LRRC27: variants seen among roughly 807,000 people sequenced by gnomAD.
LRRC27 encodes the protein leucine rich repeat containing 27, also known as leucine-rich repeat-containing protein 27.
LRRC27 carries 57 observed loss-of-function variants against 55.0 expected under a neutral mutation model. That is an observed-to-expected ratio of 1.04 (90% confidence interval 0.84 to 1.29). The LOEUF is 1.29. LRRC27 is among the 50% of genes most tolerant of loss of function. LRRC27 has a pLI of 0.00. For missense variants in LRRC27, 721 were observed against 651.5 expected (o/e 1.11, Z -1.16); for synonymous variants, 278 against 251.9 (o/e 1.10, Z -0.98).
At chr10:132,335,614 T>C (rs1250466999) in intron 2 of LRRC27, among the ~76,000 whole-genome samples, 2 of 151,670 alleles carry the variant, frequency 1.3e-5, no homozygotes, top group African/African-American at 4.9e-5. Context: ...GTCTATTGGT[T>C]GTTGGGTAGG....
intron 9 of LRRC27, among the ~76,000 whole-genome samples, chr10:132,364,916 C>T (rs980410534): frequency 1.2e-5 from 1 of 86,668 alleles, no homozygotes; most frequent in Non-Finnish European, 2.9e-5. Flanking sequence ...AGATCCCCAG[C>T]TCTTTCTACC....
rs760566423 is a variant in LRRC27, at chr10:132,342,185, A to C, written c.342-28A>C. 20 of 1,434,540 alleles carry C rather than the reference A, an allele frequency of 1.4e-5. No individual in the cohort carries two copies. In the Middle Eastern group the frequency reaches 1.1e-3, roughly 78 times the overall value. The allele number at this position is 1,434,540 out of a possible 1,614,324, so 88.9% of individuals were successfully genotyped here. A position where few individuals can be genotyped will look rare whatever the true frequency, so the allele number is the denominator to read the frequency against. On this transcript the variant is annotated intron_variant, in intron 3 of 10. Transcript: ENST00000368614. ...ATAGTCAATTAAATCTTGCTTTTTAAATTTTTTTGTTTTGTTTTGCTTTAA... is the reference window on the plus strand; with the variant it reads ...ATAGTCAATTAAATCTTGCTTTTTACATTTTTTTGTTTTGTTTTGCTTTAA...
At chr10:132,370,674 G>A (rs1328906307) in intron 10 of LRRC27, among the ~76,000 whole-genome samples, 3 of 152,314 alleles carry the variant, frequency 2.0e-5, no homozygotes, top group Admixed American at 6.5e-5. Flanking sequence ...GCTCCGTGCC[G>A]CCTGATGGCC....
chr10:132,371,288 TAGG>T (rs140808389), intron 10 of LRRC27, among the ~76,000 whole-genome samples: 2,618 of 151,998 alleles, frequency 0.017, 70 homozygotes, highest in African/African-American at 0.06. Context: ...ATGGGGGAAG[TAGG>T]AGGGACTGGA....
chr10:132,361,900 C>T (rs1280497679), intron 9 of LRRC27, among the ~76,000 whole-genome samples: 1 of 152,142 alleles, frequency 6.6e-6, no homozygotes, highest in East Asian at 1.9e-4. Flanking sequence ...CCACCCGCTG[C>T]AGTCCCTGCC....
intron 6 of LRRC27, among the ~76,000 whole-genome samples, chr10:132,350,019 T>G (rs1057148130): frequency 6.6e-6 from 1 of 152,164 alleles, no homozygotes; most frequent in African/African-American, 2.4e-5. Context: ...TGGTGGCCCT[T>G]CCTGAGGGTC....
chr10:132,343,144 C>CA (rs777827848), intron 4 of LRRC27, among the ~76,000 whole-genome samples: 1 of 151,928 alleles, frequency 6.6e-6, no homozygotes. Context: ...CCCATCTCTA[C>CA]AAAAAATAAA....
At chr10:132,357,800 G>C (rs531317143) in intron 8 of LRRC27, among the ~76,000 whole-genome samples, 8 of 152,384 alleles carry the variant, frequency 5.2e-5, no homozygotes, top group African/African-American at 1.9e-4. Context: ...CAGTCAGCGA[G>C]TATTGATGGC....
chr10:132,332,120 T>A, upstream of LRRC27: 1 of 182,284 alleles, frequency 5.5e-6, no homozygotes, highest in Non-Finnish European at 1.1e-5. Flanking sequence ...ACAGACACAC[T>A]CGCGCTCAGC....
At chr10:132,330,512 C>T (rs117392241), upstream of LRRC27, 13,586 of 716,646 alleles carry the variant, frequency 0.019, 221 homozygotes, top group Middle Eastern at 0.027. Flanking sequence ...TGGGTATGTA[C>T]GAAAACTTTT....
In LRRC27 at chr10:132,359,879, C is replaced by T. The variant is rs143296856; in HGVS notation, c.1171-1578C>T. Reference sequence around the variant, plus strand: ...AAACCCTGGCGCAAAGCCCATTCCACGCCACCAAAGCGGCAGCCTGTTGTA... The same window carrying T: ...AAACCCTGGCGCAAAGCCCATTCCATGCCACCAAAGCGGCAGCCTGTTGTA... On this transcript the variant is annotated intron_variant, in intron 8 of 10. Coordinates refer to ENST00000368614, the MANE Select transcript of LRRC27 (RefSeq NM_030626.3). Among the ~76,000 whole-genome samples the T allele has an allele frequency of 3.3e-5, 5 of 152,326 alleles. No individual in the cohort carries two copies. The East Asian group carries it at 5.8e-4, about 18-fold the overall frequency.
intron 4 of LRRC27, among the ~76,000 whole-genome samples, chr10:132,343,392 C>T (rs548839781): frequency 3.3e-5 from 5 of 152,252 alleles, no homozygotes; most frequent in Admixed American, 1.3e-4. Context: ...GTAAATGGAA[C>T]GAGTTATGGC....
chr10:132,354,876 T>A (rs2068235538), intron 7 of LRRC27, among the ~76,000 whole-genome samples: 1 of 152,138 alleles, frequency 6.6e-6, no homozygotes, highest in South Asian at 2.1e-4. Context: ...GCTGGAGAGC[T>A]GGCCTTCCGG....
intron 6 of LRRC27, chr10:132,349,066 CTGTGGTGTGCGTGTGTGTGCCTGCA>C (rs1459849657): frequency 6.9e-6 from 11 of 1,588,278 alleles, no homozygotes; most frequent in African/African-American, 5.4e-5. Flanking sequence ...AGGTATGTAT[CTGTGGTGTGCGTGTGTGTGCCTGCA>C]TGTGGTGTGT....
rs2069394333 is a variant in LRRC27 at position 132,380,285 on chromosome 10, A to G, written c.*5043A>G. Among the ~76,000 whole-genome samples the G allele has an allele frequency of 7.3e-6, 1 of 136,724 alleles. No homozygotes were observed. Among genetic ancestry groups the G allele is most frequent in the Non-Finnish European group, 1.5e-5 (1 of 65,580 alleles). The allele number at this position is 136,724 out of a possible 152,430, so 89.7% of individuals were successfully genotyped here. On this transcript the variant is annotated 3_prime_UTR_variant, in exon 11 of 11. Coordinates refer to ENST00000368614, the MANE Select transcript of LRRC27 (RefSeq NM_030626.3). ...CACTCCAGCCTGGGCAACAAGAGCAAAACTCTGTCTCAAAAAAAAAAAAAT... is the reference window on the plus strand; with the variant it reads ...CACTCCAGCCTGGGCAACAAGAGCAGAACTCTGTCTCAAAAAAAAAAAAAT...
chr10:132,333,791 G>A, intron 2 of LRRC27, 57 bp downstream of exon 2: 1 of 1,319,704 alleles, frequency 7.6e-7, no homozygotes, highest in South Asian at 1.3e-5. Flanking sequence ...GACAGAAATG[G>A]GAATGTACCC....
intron 10 of LRRC27, among the ~76,000 whole-genome samples, chr10:132,367,270 A>C (rs936674932): frequency 6.6e-6 from 1 of 152,220 alleles, no homozygotes; most frequent in African/African-American, 2.4e-5. Context: ...CCAAAACAGA[A>C]ATCACAGGCC....
chr10:132,364,579 TGGGG>T (rs2068910810), intron 9 of LRRC27, among the ~76,000 whole-genome samples: 6 of 9,610 alleles, frequency 6.2e-4, no homozygotes, highest in Admixed American at 1.9e-3. Context: ...GTCCACACCC[TGGGG>T]CCCCACACTC....
At chr10:132,362,255 C>G (rs932281285) in intron 9 of LRRC27, among the ~76,000 whole-genome samples, 6 of 152,300 alleles carry the variant, frequency 3.9e-5, no homozygotes, top group Middle Eastern at 3.4e-3. Context: ...ACAGGCCCAT[C>G]AGGGATAGCT....
Sources: allele counts gnomAD v4.1 joint callset (sites outside exome capture counted in the v4.1 genomes callset), GRCh38; gene constraint gnomAD v4.1.1; transcripts MANE v1.5; gene names NCBI Gene and HGNC (gene_info 2026-07-23, HGNC 2026-07-21).